MARCHF5: variants seen among roughly 807,000 people sequenced by gnomAD.
The protein encoded by MARCHF5 is membrane associated ring-CH-type finger 5.
MARCHF5 carries 5 observed loss-of-function variants against 36.5 expected under a neutral mutation model. The observed-to-expected ratio is 0.14, with a 90% confidence interval of 0.07 to 0.29. MARCHF5 has a LOEUF of 0.29. Ranked by LOEUF, MARCHF5 falls within the 10% of genes least tolerant of loss-of-function variation. The pLI is 1.00. For synonymous variants in MARCHF5, 103 were observed against 109.9 expected, an observed-to-expected ratio of 0.94 and a Z score of 0.39; for missense variants, 179 against 336.3, an observed-to-expected ratio of 0.53 and a Z score of 3.66.
rs765703589 is a variant in MARCHF5 at position 92,349,832 on chromosome 10, A to G, written c.715A>G (p.Ile239Val). 45 of 1,610,450 alleles carry G rather than the reference A, an allele frequency of 2.8e-5. 1 individual carries two copies. Among genetic ancestry groups the G allele is most frequent in the Non-Finnish European group, 3.8e-5 (45 of 1,178,076 alleles). Reference sequence around the variant, plus strand: ...TGTTAACTCTAATTTACAAAGGACAATCTTGGTAAGACGGCTTTAACATTA... The same window carrying G: ...TGTTAACTCTAATTTACAAAGGACAGTCTTGGTAAGACGGCTTTAACATTA... The part of the protein sequence containing the change: ...SSVNSNLQRT[I>V]LGGIAFVAIK... Residue 239 changes from isoleucine (I) to valine (V), a missense_variant, in exon 5 of 6, where the codon ATC (isoleucine) becomes GTC (valine). Physicochemically the swap from Ile to Val is conservative, Grantham distance 29 (BLOSUM62 3). This residue lies in a region of MARCHF5 where 95 missense variants were observed against 139.5 expected (regional missense o/e 0.68). Transcript: ENST00000358935.
At position 92,349,807 on chromosome 10, in the gene MARCHF5, T is replaced by C. The variant is rs543627681; in HGVS notation, c.690T>C (p.Ser230=). The C allele has an allele frequency of 3.3e-5, 54 of 1,613,414 alleles. 1 individual carries two copies. The South Asian group carries it at 5.4e-4, about 16-fold the overall frequency. ...ATIVGKLMFS[S]VNSNLQRTIL... ...TAGTTGGTAAATTGATGTTCAGTAG[T>C]GTTAACTCTAATTTACAAAGGACAA... Residue 230 remains serine (S), a synonymous_variant, in exon 5 of 6, where the codon AGT becomes AGC. Coordinates refer to ENST00000358935, the MANE Select transcript of MARCHF5 (RefSeq NM_017824.5).
intron 3 of MARCHF5, among the ~76,000 whole-genome samples, chr10:92,342,987 C>A (rs748330319): frequency 6.6e-6 from 1 of 152,050 alleles, no homozygotes; most frequent in Non-Finnish European, 1.5e-5. Flanking sequence ...TGATGACATC[C>A]CAAAAATATG....
intron 2 of MARCHF5, among the ~76,000 whole-genome samples, chr10:92,337,400 G>A (rs1843516296): frequency 6.6e-6 from 1 of 151,964 alleles, no homozygotes; most frequent in African/African-American, 2.4e-5. Flanking sequence ...TGTAATCCCA[G>A]CCACTCAGGA....
At chr10:92,324,222 G>A (rs560856521) in intron 2 of MARCHF5, among the ~76,000 whole-genome samples, 8 of 152,312 alleles carry the variant, frequency 5.3e-5, no homozygotes, top group Non-Finnish European at 8.8e-5. Flanking sequence ...CAGAGTGATA[G>A]TTTTCTCATT....
At chr10:92,338,993 C>T (rs1484325918) in intron 2 of MARCHF5, among the ~76,000 whole-genome samples, 5 of 150,048 alleles carry the variant, frequency 3.3e-5, no homozygotes, top group African/African-American at 4.9e-5. Flanking sequence ...TGTAGTGAGC[C>T]GAGATTGTGC....
intron 3 of MARCHF5, among the ~76,000 whole-genome samples, chr10:92,345,697 C>CTTTTTTTTTTTTTTTT (rs34971275): frequency 1.9e-4 from 24 of 123,614 alleles, no homozygotes; most frequent in Non-Finnish European, 3.0e-4. Context: ...TTTTTTTTTT[C>CTTTTTTTTTTTTTTTT]TTTTTTTTTT....
intron 2 of MARCHF5, among the ~76,000 whole-genome samples, chr10:92,327,878 A>G (rs1404632851): frequency 6.6e-6 from 1 of 152,206 alleles, no homozygotes; most frequent in Non-Finnish European, 1.5e-5. Context: ...GGAAAAAAAA[A>G]GTAAGTTTAC....
intron 1 of MARCHF5, among the ~76,000 whole-genome samples, chr10:92,292,848 ATTTG>A (rs1007799263): frequency 2.6e-5 from 4 of 152,194 alleles, no homozygotes; most frequent in Non-Finnish European, 4.4e-5. Context: ...ATCAGTAAGT[ATTTG>A]TTGTATGAAC....
intron 1 of MARCHF5, among the ~76,000 whole-genome samples, chr10:92,306,998 A>T (rs1726321423): frequency 6.6e-6 from 1 of 152,140 alleles, no homozygotes; most frequent in South Asian, 2.1e-4. Flanking sequence ...TAGGTGGCAG[A>T]GTGAGACTCA....
intron 3 of MARCHF5, among the ~76,000 whole-genome samples, chr10:92,344,859 A>G (rs1297583111): frequency 6.6e-6 from 1 of 152,084 alleles, no homozygotes; most frequent in Non-Finnish European, 1.5e-5. Flanking sequence ...TCGGCACTGT[A>G]TTGAACACCT....
rs780642843 is a variant in MARCHF5 at position 92,349,846 on chromosome 10, G to T, written c.720+9G>T. 1.9e-6 allele frequency: 3 copies of T among 1,602,796 alleles called. No homozygotes were observed. The highest frequency in any genetic ancestry group is 2.6e-6 in the Non-Finnish European group (3 of 1,172,360). On this transcript the variant is annotated intron_variant, in intron 5 of 5. Coordinates refer to ENST00000358935, the MANE Select transcript of MARCHF5 (RefSeq NM_017824.5). The stretch of plus-strand genomic sequence containing the variant: ...TACAAAGGACAATCTTGGTAAGACG[G>T]CTTTAACATTACTTATATTACCTTG...
chr10:92,307,744 G>A (rs918495880), intron 1 of MARCHF5, among the ~76,000 whole-genome samples: 1 of 151,678 alleles, frequency 6.6e-6, no homozygotes, highest in Non-Finnish European at 1.5e-5. Flanking sequence ...GCATGGTGGC[G>A]GGCACCCTGT....
intron 2 of MARCHF5, among the ~76,000 whole-genome samples, chr10:92,337,291 G>A (rs142046750): frequency 0.012 from 1,810 of 152,068 alleles, 18 homozygotes; most frequent in Non-Finnish European, 0.019. Flanking sequence ...TGAGGTGGGC[G>A]GATCACCTGA....
At chr10:92,332,040 T>A (rs1038997956) in intron 2 of MARCHF5, among the ~76,000 whole-genome samples, 6 of 148,780 alleles carry the variant, frequency 4.0e-5, no homozygotes, top group African/African-American at 1.5e-4. Context: ...TTGTTTGGGT[T>A]AGTTGGTTTG....
At position 92,307,175 on chromosome 10, in the gene MARCHF5, CTGTGTG is replaced by C. The variant is rs376178460; in HGVS notation, c.36-3927_36-3922del. Among the ~76,000 whole-genome samples, 229 of 121,886 alleles carry C rather than the reference CTGTGTG, an allele frequency of 1.9e-3. 1 individual carries two copies. The highest frequency in any genetic ancestry group is 2.6e-3 in the Admixed American group (28 of 10,672). The allele number at this position is 121,886 out of a possible 152,430, so 80.0% of individuals were successfully genotyped here. A position where few individuals can be genotyped will look rare whatever the true frequency, so the allele number is the denominator to read the frequency against. On this transcript the variant is annotated intron_variant, in intron 1 of 5. Transcript: ENST00000358935. ...CTCATAAAATAAGGAAAGAAAACAT[CTGTGTG>C]TGTGTGTGTGTGTGTGTGTGTGTGT...
In MARCHF5 at chr10:92,349,023, G is replaced by C. The variant is rs552553572; in HGVS notation, c.370-326G>C. Among the ~76,000 whole-genome samples, 4 of 152,246 alleles carry C rather than the reference G, an allele frequency of 2.6e-5. No homozygotes were observed. In the East Asian group the frequency reaches 7.7e-4, roughly 29 times the overall value. ...GGACTTAGAATTATATCCCAGTTCC[G>C]TAGCCCAGTCTAACCAAATCAAATA... On this transcript the variant is annotated intron_variant, in intron 3 of 5. Transcript: ENST00000358935.
intron 1 of MARCHF5, among the ~76,000 whole-genome samples, chr10:92,295,128 C>T (rs1259388835): frequency 6.6e-6 from 1 of 152,032 alleles, no homozygotes; most frequent in Non-Finnish European, 1.5e-5. Flanking sequence ...ATGCCCAGTA[C>T]TATTCTAGGC....
chr10:92,308,699 T>C (rs1287498737), intron 1 of MARCHF5: 3 of 94,866 alleles, frequency 3.2e-5, no homozygotes, highest in South Asian at 9.3e-4. Flanking sequence ...GTGCGTTGTT[T>C]GTTTTTTGTT....
At chr10:92,308,853 C>T (rs1047303499) in intron 1 of MARCHF5, among the ~76,000 whole-genome samples, 12 of 151,902 alleles carry the variant, frequency 7.9e-5, no homozygotes, top group Non-Finnish European at 1.0e-4. Flanking sequence ...TGCAGACACC[C>T]GCCACCATGC....
Sources: gnomAD v4.1 joint callset for allele counts (sites outside exome capture counted in the v4.1 genomes callset) on GRCh38, gnomAD v4.1.1 for gene constraint, gnomAD v4.1.1 regional missense constraint, MANE v1.5 for transcripts, NCBI Gene and HGNC (gene_info 2026-07-23, HGNC 2026-07-21) for gene names.